The following ATF7 variants were observed in gnomAD, a reference collection of about 807,000 sequenced individuals.
ATF7 encodes cyclic AMP-dependent transcription factor ATF-7.
ATF7 carries 10 observed loss-of-function variants against 50.4 expected under a neutral mutation model. The ratio of observed to expected loss-of-function variants is 0.20; its 90% CI spans 0.12 to 0.34. The LOEUF (loss-of-function observed/expected upper bound fraction) is 0.34, where lower values mean the gene tolerates loss of function less well. ATF7 is among the 10% of genes least tolerant of loss of function. The probability of loss-of-function intolerance (pLI) is 1.00; values close to 1 mark genes in which losing one functional copy is unlikely to be tolerated. For missense variants in ATF7, 465 were observed against 613.9 expected (o/e 0.76, Z 2.56); for synonymous variants, 201 against 226.4 (o/e 0.89, Z 1.01).
In ATF7 at chr12:53,524,791, T is replaced by G. The variant is rs765682175; in HGVS notation, c.928-30A>C. ...TGCCCAGGAAGGAAGAGAGGTTACT[T>G]GATGGGAACATTAATCCTTTCCAAA... is the stretch of plus-strand genomic sequence containing the variant. On this transcript the variant is annotated intron_variant, in intron 9 of 11. Coordinates refer to ENST00000420353, the MANE Select transcript of ATF7 (RefSeq NM_006856.3). The surrounding 1 kb of genome is among the most constrained non-coding windows in gnomAD (Gnocchi z 4.6). 40 of 1,534,816 alleles carry G rather than the reference T, an allele frequency of 2.6e-5. No homozygotes were observed. The highest frequency in any genetic ancestry group is 3.5e-5 in the Non-Finnish European group (40 of 1,136,992).
chr12:53,555,101 C>T (rs573926628), intron 2 of ATF7, among the ~76,000 whole-genome samples: 34 of 152,052 alleles, frequency 2.2e-4, no homozygotes, highest in African/African-American at 6.5e-4. Flanking sequence ...AGGTGGATCA[C>T]CTGAGGTCAG....
chr12:53,610,301 A>C (rs1355857731), intron 1 of ATF7, among the ~76,000 whole-genome samples: 1 of 151,832 alleles, frequency 6.6e-6, no homozygotes, highest in Non-Finnish European at 1.5e-5. Context: ...GCAGTGGCTC[A>C]CACCTGTAAT....
intron 3 of ATF7, among the ~76,000 whole-genome samples, chr12:53,548,564 C>T (rs976627274): frequency 6.6e-6 from 1 of 152,124 alleles, no homozygotes; most frequent in Non-Finnish European, 1.5e-5. Flanking sequence ...AACTCCTGGG[C>T]TCAAGTGATC....
At chr12:53,596,096 C>T (rs534743392) in intron 2 of ATF7, among the ~76,000 whole-genome samples, 1 of 152,130 alleles carries the variant, frequency 6.6e-6, no homozygotes, top group East Asian at 1.9e-4. Context: ...GTCAGGAGTT[C>T]GAGACCAGCC....
intron 11 of ATF7, among the ~76,000 whole-genome samples, chr12:53,518,321 C>T (rs561281170): frequency 1.3e-5 from 2 of 152,382 alleles, no homozygotes; most frequent in South Asian, 2.1e-4. Context: ...ACCCTCCTGA[C>T]TAAAAATTAG....
intron 1 of ATF7, 43 bp from the exon 2 acceptor site, chr12:53,601,064 TG>T: frequency 7.6e-7 from 1 of 1,323,150 alleles, no homozygotes; most frequent in Non-Finnish European, 1.0e-6. Flanking sequence ...TTAAATATGC[TG>T]GAGCAAAAAA....
chr12:53,523,167 G>T, intron 11 of ATF7, 109 bp downstream of exon 11: 1 of 828,254 alleles, frequency 1.2e-6, no homozygotes, highest in East Asian at 2.6e-5. Flanking sequence ...TCATCAGCGT[G>T]GGGTCCCCAG....
intron 2 of ATF7, among the ~76,000 whole-genome samples, chr12:53,566,273 CAGG>C (rs1941440842): frequency 6.6e-6 from 1 of 152,110 alleles, no homozygotes; most frequent in Admixed American, 6.6e-5. Context: ...CTGGATTGCT[CAGG>C]AGAAGGGAGA....
intron 11 of ATF7, among the ~76,000 whole-genome samples, chr12:53,518,493 G>A (rs144727395): frequency 2.6e-5 from 4 of 152,274 alleles, no homozygotes; most frequent in African/African-American, 9.6e-5. Context: ...GTCTCACTCT[G>A]TCACCCAGGC....
At chr12:53,586,403 C>T (rs1284912860) in intron 2 of ATF7, among the ~76,000 whole-genome samples, 3 of 131,196 alleles carry the variant, frequency 2.3e-5, no homozygotes, top group Middle Eastern at 3.8e-3. Flanking sequence ...CATAGATTGC[C>T]ACCATGTAAA....
chr12:53,548,931 G>A (rs1220924032), intron 3 of ATF7, among the ~76,000 whole-genome samples: 1 of 152,170 alleles, frequency 6.6e-6, no homozygotes, highest in Non-Finnish European at 1.5e-5. Flanking sequence ...GCTGCAGTGA[G>A]CTGTGATTGT....
intron 2 of ATF7, among the ~76,000 whole-genome samples, chr12:53,596,580 T>C (rs1190022040): frequency 6.6e-6 from 1 of 152,174 alleles, no homozygotes; most frequent in African/African-American, 2.4e-5. Context: ...GAATATGGAA[T>C]TTGTTGATCC....
chr12:53,616,556 A>C (rs975675004), intron 1 of ATF7, among the ~76,000 whole-genome samples: 60 of 152,254 alleles, frequency 3.9e-4, no homozygotes, highest in African/African-American at 1.3e-3. Context: ...ATTTATTAAG[A>C]AGAGATACAA....
intron 2 of ATF7, among the ~76,000 whole-genome samples, chr12:53,556,028 C>G (rs1223043697): frequency 6.6e-6 from 1 of 152,068 alleles, no homozygotes; most frequent in Non-Finnish European, 1.5e-5. Context: ...GTTGGCCAAG[C>G]TGGTCTTGAA....
In ATF7 at chr12:53,516,169, A is replaced by G. The variant is rs1937687745; in HGVS notation, c.*968T>C. 1.3e-5 allele frequency: 2 copies of G among 152,214 alleles called. No individual in the cohort carries two copies. The highest frequency in any genetic ancestry group is 6.5e-5 in the Admixed American group (1 of 15,288). 9.4% of individuals were successfully genotyped at this position (152,214 alleles called of 1,614,324 possible). A position where few individuals can be genotyped will look rare whatever the true frequency, so the allele number is the denominator to read the frequency against. Reference sequence around the variant, plus strand: ...TTTGGCCGGTAAACTCTTATAAAACATAAAGGAATCGATTAATCCCTAACT... The same window carrying G: ...TTTGGCCGGTAAACTCTTATAAAACGTAAAGGAATCGATTAATCCCTAACT... On this transcript the variant is annotated 3_prime_UTR_variant, in exon 12 of 12. Transcript: ENST00000420353.
At chr12:53,537,070 T>C (rs1676319482) in intron 5 of ATF7, among the ~76,000 whole-genome samples, 1 of 152,064 alleles carries the variant, frequency 6.6e-6, no homozygotes, top group Admixed American at 6.6e-5. Context: ...CCTCCTATAA[T>C]ACATACTTTT....
At chr12:53,582,533 T>A (rs1942478439) in intron 2 of ATF7, among the ~76,000 whole-genome samples, 1 of 151,948 alleles carries the variant, frequency 6.6e-6, no homozygotes, top group Non-Finnish European at 1.5e-5. Context: ...GCAAACATAG[T>A]GTGGTACTAG....
intron 8 of ATF7, among the ~76,000 whole-genome samples, chr12:53,532,199 T>A (rs968361753): frequency 2.0e-5 from 3 of 152,182 alleles, no homozygotes; most frequent in African/African-American, 7.2e-5. Flanking sequence ...ACGCAGCTAT[T>A]CACCTCTTGG....
At chr12:53,558,471 G>C (rs368985293) in intron 2 of ATF7, among the ~76,000 whole-genome samples, 3 of 152,072 alleles carry the variant, frequency 2.0e-5, no homozygotes, top group African/African-American at 4.8e-5. Flanking sequence ...CCTGAAACTT[G>C]GAAGAAAAAA....
Sources: gnomAD v4.1 joint callset for allele counts (sites outside exome capture counted in the v4.1 genomes callset) on GRCh38, gnomAD v4.1.1 for gene constraint, Gnocchi (gnomAD v3.1) non-coding constraint, MANE v1.5 for transcripts, NCBI Gene and HGNC (gene_info 2026-07-23, HGNC 2026-07-21) for gene names.